OTC: variants seen among roughly 807,000 people sequenced by gnomAD.
OTC encodes the protein ornithine transcarbamylase, mitochondrial.
OTC carries 3 observed loss-of-function variants against 30.3 expected under a neutral mutation model. The ratio of observed to expected loss-of-function variants is 0.10; its 90% confidence interval spans 0.05 to 0.26. The LOEUF is 0.26. OTC is among the 10% of genes least tolerant of loss of function. The probability of loss-of-function intolerance (pLI) is 1.00; values close to 1 mark genes in which losing one functional copy is unlikely to be tolerated. For missense variants in OTC, 194 were observed against 260.3 expected, an observed-to-expected ratio of 0.75 and a Z score of 1.75; for synonymous variants, 111 against 99.7, an observed-to-expected ratio of 1.11 and a Z score of -0.67.
rs1057522000 is a variant in OTC at position 38,367,327 on chromosome X, G to C, written c.114G>C (p.Lys38Asn). 1 of 1,204,447 alleles carries C rather than the reference G, an allele frequency of 8.3e-7. No individual in the cohort carries two copies. Among genetic ancestry groups the C allele is most frequent in the Admixed American group, 2.2e-5 (1 of 45,988 alleles). The change falls in exon 2 of 10, where the codon AAG (lysine) becomes AAC (asparagine). Residue 38 changes from lysine to asparagine, a missense_variant. Transcript: ENST00000039007. Reference protein sequence around the residue: ...GQPLQNKVQLKGRDLLTLKNF... With the variant: ...GQPLQNKVQLNGRDLLTLKNF... Reference sequence around the variant, plus strand: ...CACTACAAAATAAAGTGCAGCTGAAGGGCCGTGACCTTCTCACTCTAAAAA... The same window carrying C: ...CACTACAAAATAAAGTGCAGCTGAACGGCCGTGACCTTCTCACTCTAAAAA...
chrX:38,396,873 G>A (rs149272091), intron 4 of OTC, among the ~76,000 whole-genome samples: 2,052 of 111,746 alleles, frequency 0.018, 45 homozygotes, highest in African/African-American at 0.064. Context: ...TTGCATATGC[G>A]ACTGGTGCTA....
At chrX:38,410,698 A>C (rs1382349966) in intron 8 of OTC, among the ~76,000 whole-genome samples, 3 of 112,211 alleles carry the variant, frequency 2.7e-5, no homozygotes, top group Admixed American at 1.9e-4. Flanking sequence ...ATTTTAAATT[A>C]TATAAATTGC....
chrX:38,331,176 A>C, the OTC span, among the ~76,000 whole-genome samples: 1 of 112,188 alleles, frequency 8.9e-6, no homozygotes, highest in Non-Finnish European at 1.9e-5. Context: ...AGGAGGTGTC[A>C]TCCTGACCCC....
At position 38,411,665 on chromosome X, in the gene OTC, C is replaced by CAAA. The variant is rs368534980; in HGVS notation, c.868-184_868-182dup. 4.2e-3 allele frequency among the ~76,000 whole-genome samples: 371 copies of CAAA among 87,925 alleles called. 2 individuals carry two copies. Among genetic ancestry groups the CAAA allele is most frequent in the African/African-American group, 0.015 (362 of 24,286 alleles). 76.4% of individuals were successfully genotyped at this position (87,925 alleles called of 115,157 possible). ...TGGGTGACAGAGCGAGACTCTGTCT[C>CAAA]AAAAAAAAAAAAAAATTTGAAAGTA... On this transcript the variant is annotated intron_variant, in intron 8 of 9. Coordinates refer to ENST00000039007, the MANE Select transcript of OTC (RefSeq NM_000531.6).
rs72558468 is a variant in OTC at position 38,411,925 on chromosome X, G to A, written c.931G>A (p.Val311Met). Residue 311 changes from valine (V) to methionine (M), a missense_variant, in exon 9 of 10, where the codon GTG becomes ATG. Coordinates refer to ENST00000039007, the MANE Select transcript of OTC (RefSeq NM_000531.6). ...CTGCTTGCCCAGAAAGCCAGAAGAA[G>A]TGGATGATGAAGTCTTTTATTCTCC... ...LHCLPRKPEE[V>M]DDEVFYSPRS... is the part of the protein sequence containing the mutation. 8.3e-7 allele frequency: 1 copy of A among 1,209,649 alleles called. No individual in the cohort carries two copies. Among genetic ancestry groups the A allele is most frequent in the Non-Finnish European group, 1.1e-6 (1 of 893,472 alleles).
intron 3 of OTC, among the ~76,000 whole-genome samples, chrX:38,376,153 T>C (rs2068346866): frequency 9.3e-6 from 1 of 107,608 alleles, no homozygotes. Flanking sequence ...GCAGCAGTGG[T>C]AGGGGACAAA....
intron 1 of OTC, among the ~76,000 whole-genome samples, chrX:38,354,964 C>T (rs907946483): frequency 9.0e-6 from 1 of 110,750 alleles, no homozygotes; most frequent in Non-Finnish European, 1.9e-5. Context: ...TGATTTTCAG[C>T]CTTTCACAGG....
chrX:38,334,598 T>G, the OTC span, among the ~76,000 whole-genome samples: 2 of 112,408 alleles, frequency 1.8e-5, no homozygotes, highest in Non-Finnish European at 3.8e-5. Flanking sequence ...AAGCAATACA[T>G]GTGTATTTAT....
intron 6 of OTC, among the ~76,000 whole-genome samples, chrX:38,407,272 C>T (rs2068519649): frequency 8.9e-6 from 1 of 112,468 alleles, no homozygotes. Flanking sequence ...GGGTGTGTGA[C>T]CTTGGGTGCG....
the OTC span, among the ~76,000 whole-genome samples, chrX:38,329,364 G>A: frequency 5.4e-5 from 6 of 111,810 alleles, no homozygotes; most frequent in East Asian, 1.4e-3. Flanking sequence ...AAGGAGGCAC[G>A]TATTTGAGGA....
At chrX:38,418,901 C>T (rs2178990) in intron 9 of OTC, among the ~76,000 whole-genome samples, 16,022 of 111,323 alleles carry the variant, frequency 0.14, 1,055 homozygotes, top group East Asian at 0.43. Flanking sequence ...ATGTCTTTAT[C>T]AGCAGCGTGA....
chrX:38,389,282 C>T (rs2068419457), intron 4 of OTC, among the ~76,000 whole-genome samples: 2 of 111,168 alleles, frequency 1.8e-5, no homozygotes, highest in Middle Eastern at 4.2e-3. Flanking sequence ...GTCCCTATGA[C>T]ACCATAAAAG....
At chrX:38,351,683 T>TGGG (rs2068216806), upstream of OTC, among the ~76,000 whole-genome samples, 2 of 112,199 alleles carry the variant, frequency 1.8e-5, no homozygotes, top group Non-Finnish European at 3.8e-5. Context: ...GAAGAGCATA[T>TGGG]GGTATCCCCA....
chrX:38,412,350 C>T lies in OTC; in HGVS notation c.1005+351C>T, dbSNP rs192694492. On this transcript the variant is annotated intron_variant, in intron 9 of 9. Coordinates refer to ENST00000039007, the MANE Select transcript of OTC (RefSeq NM_000531.6). ...GTTTAGAGAAGCCCCTAATTCAGTT[C>T]CTGTATAAAATGGGCATTCAAAACA... 7.2e-5 allele frequency among the ~76,000 whole-genome samples: 8 copies of T among 111,888 alleles called. No homozygotes were observed. The East Asian group carries it at 2.3e-3, about 31-fold the overall frequency.
intron 6 of OTC, 26 bp from the exon 7 acceptor site, chrX:38,408,716 T>A: frequency 9.0e-7 from 1 of 1,105,903 alleles, no homozygotes. Context: ...ATTACCTAAA[T>A]AAGATTTAAA....
intron 1 of OTC, among the ~76,000 whole-genome samples, chrX:38,361,811 A>G (rs2068272979): frequency 8.9e-6 from 1 of 112,038 alleles, no homozygotes; most frequent in Non-Finnish European, 1.9e-5. Flanking sequence ...TCACTTCCCT[A>G]CACATTTACA....
At chrX:38,338,324 T>C in the OTC span, among the ~76,000 whole-genome samples, 1 of 112,457 alleles carries the variant, frequency 8.9e-6, no homozygotes, top group African/African-American at 3.2e-5. Context: ...TCTTGAATCA[T>C]ACTCTCAATG....
At chrX:38,379,326 C>T (rs377080011) in intron 3 of OTC, among the ~76,000 whole-genome samples, 6 of 111,581 alleles carry the variant, frequency 5.4e-5, no homozygotes, top group African/African-American at 2.0e-4. Context: ...GACTTAAAAA[C>T]AATCTTGCGC....
At chrX:38,358,031 G>A (rs966243803) in intron 1 of OTC, among the ~76,000 whole-genome samples, 2 of 111,294 alleles carry the variant, frequency 1.8e-5, no homozygotes, top group Non-Finnish European at 3.8e-5. Flanking sequence ...GAGATTTCTT[G>A]TTTACTCTGA....
Sources: gnomAD v4.1 joint callset for allele counts (sites outside exome capture counted in the v4.1 genomes callset) on GRCh38, gnomAD v4.1.1 for gene constraint, MANE v1.5 for transcripts, NCBI Gene and HGNC (gene_info 2026-07-23, HGNC 2026-07-21) for gene names.